The following IQCE variants were observed in gnomAD, a reference collection of about 807,000 sequenced individuals.
IQCE encodes the protein IQ domain-containing protein E.
In IQCE, 115 loss-of-function variants were observed where a neutral mutation model predicts 96.0. The observed-to-expected ratio is 1.20, with a 90% CI of 1.03 to 1.40. The LOEUF is 1.40. Among genes scored for constraint, IQCE ranks in the 40% most tolerant of loss-of-function variants. IQCE has a pLI of 0.00. For missense variants in IQCE, 1,041 were observed against 909.1 expected, an observed-to-expected ratio of 1.15 and a Z score of -1.87; for synonymous variants, 412 against 371.2, an observed-to-expected ratio of 1.11 and a Z score of -1.26.
chr7:2,582,424 G>T (rs979826625), intron 8 of IQCE, among the ~76,000 whole-genome samples, 156 bp from the exon 9 acceptor site: 1 of 152,152 alleles, frequency 6.6e-6, no homozygotes, highest in Non-Finnish European at 1.5e-5. Flanking sequence ...GCACAGTGGG[G>T]CCCTCCCTCT....
rs372851659 is a variant in IQCE at position 2,601,425 on chromosome 7, C to G, written c.1609-16C>G. On this transcript the variant is annotated splice_polypyrimidine_tract_variant and intron_variant, in intron 17 of 21. Coordinates refer to ENST00000402050, the MANE Select transcript of IQCE (RefSeq NM_152558.5). Reference sequence around the variant, plus strand: ...GTGTTAATTCATGTATTTTTTCTTTCTTTTTTTTTTTCCAGAAAAAAAAGG... The same window carrying G: ...GTGTTAATTCATGTATTTTTTCTTTGTTTTTTTTTTTCCAGAAAAAAAAGG... 4.1e-6 allele frequency: 5 copies of G among 1,229,580 alleles called. No individual in the cohort carries two copies. In the Admixed American group the frequency reaches 9.0e-5, roughly 22 times the overall value. 76.2% of individuals were successfully genotyped at this position (1,229,580 alleles called of 1,614,324 possible).
At chr7:2,565,507 G>C (rs1279250740) in intron 1 of IQCE, among the ~76,000 whole-genome samples, 1 of 152,138 alleles carries the variant, frequency 6.6e-6, no homozygotes, top group Non-Finnish European at 1.5e-5. Flanking sequence ...AAGTCTTCAA[G>C]ATTTTATTCA....
At chr7:2,603,811 G>A (rs114337493) in intron 18 of IQCE, among the ~76,000 whole-genome samples, 2,419 of 151,986 alleles carry the variant, frequency 0.016, 58 homozygotes, top group African/African-American at 0.056. Context: ...TTCCAACAGC[G>A]GCAAGCCTGC....
At chr7:2,577,207 G>A (rs563565234) in intron 6 of IQCE, among the ~76,000 whole-genome samples, 124 of 152,358 alleles carry the variant, frequency 8.1e-4, no homozygotes, top group African/African-American at 2.2e-3. Flanking sequence ...GGTGTGGTGT[G>A]CGTGGCTGTG....
At chr7:2,603,524 C>T (rs1435088578) in intron 18 of IQCE, among the ~76,000 whole-genome samples, 1 of 152,200 alleles carries the variant, frequency 6.6e-6, no homozygotes, top group Non-Finnish European at 1.5e-5. Flanking sequence ...TAAGTAAAGA[C>T]AGCAGTGAGG....
At chr7:2,568,731 T>C (rs779748226) in intron 2 of IQCE, among the ~76,000 whole-genome samples, 2 of 152,184 alleles carry the variant, frequency 1.3e-5, no homozygotes, top group Admixed American at 6.5e-5. Flanking sequence ...TAATTGGAAC[T>C]TGTGCTCTGA....
chr7:2,574,043 C>T (rs2128439926), intron 6 of IQCE, among the ~76,000 whole-genome samples: 1 of 152,344 alleles, frequency 6.6e-6, no homozygotes, highest in South Asian at 2.1e-4. Context: ...AGACTCTGTA[C>T]TTCCCCATGG....
chr7:2,578,192 G>A (rs752250170), intron 6 of IQCE, 50 bp from the exon 7 acceptor site: 20 of 1,399,380 alleles, frequency 1.4e-5, no homozygotes, highest in Admixed American at 5.0e-5. Context: ...TGTGTGCGGC[G>A]TGTGCGCAGC....
chr7:2,585,362 G>C (rs1397089698), intron 11 of IQCE, among the ~76,000 whole-genome samples: 1 of 152,218 alleles, frequency 6.6e-6, no homozygotes, highest in Non-Finnish European at 1.5e-5. Context: ...TCATCAGCTA[G>C]TCAATGTATA....
intron 3 of IQCE, 63 bp from the exon 4 acceptor site, chr7:2,571,463 T>G (rs181866081): frequency 1.9e-6 from 3 of 1,590,646 alleles, no homozygotes; most frequent in Non-Finnish European, 2.6e-6. Flanking sequence ...CTTTCTGAAG[T>G]TCATGTGTTG....
rs1430592765 is a variant in IQCE at position 2,611,165 on chromosome 7, G to A, written c.*1003G>A. ...GGGCCGGGCGTGCGGAGCCTGTGGA[G>A]CCAGCAGCTGCAGAGGCCTAGGAGG... On this transcript the variant is annotated 3_prime_UTR_variant, in exon 22 of 22. Transcript: ENST00000402050. The A allele has an allele frequency of 6.6e-6, 1 of 151,426 alleles. No homozygotes were observed. Among genetic ancestry groups the A allele is most frequent in the Non-Finnish European group, 1.5e-5 (1 of 68,608 alleles). 9.4% of individuals were successfully genotyped at this position (151,426 alleles called of 1,614,324 possible). A position where few individuals can be genotyped will look rare whatever the true frequency, so the allele number is the denominator to read the frequency against.
At chr7:2,567,318 A>G (rs1251750138) in intron 2 of IQCE, among the ~76,000 whole-genome samples, 155 bp downstream of exon 2, 4 of 152,242 alleles carry the variant, frequency 2.6e-5, no homozygotes, top group African/African-American at 9.6e-5. Flanking sequence ...AAAAGTTTCC[A>G]GCCCTTAGGT....
At chr7:2,559,273 C>T (rs1562609555) in intron 1 of IQCE, 56 bp downstream of exon 1, 15 of 1,116,138 alleles carry the variant, frequency 1.3e-5, no homozygotes, top group Middle Eastern at 3.5e-4. Context: ...CTCGGCTCGT[C>T]TCCGTCGCCC....
intron 17 of IQCE, among the ~76,000 whole-genome samples, chr7:2,600,509 G>T (rs542120630): frequency 6.6e-6 from 1 of 152,180 alleles, no homozygotes; most frequent in Admixed American, 6.5e-5. Context: ...AGCTGTCTCC[G>T]TCTGAAAAGC....
chr7:2,600,961 G>T (rs1107690), intron 17 of IQCE, among the ~76,000 whole-genome samples: 18,499 of 152,164 alleles, frequency 0.12, 1,200 homozygotes, highest in Admixed American at 0.16. Flanking sequence ...ACCAGTCAGG[G>T]TGGGGCCAGT....
chr7:2,560,724 G>T (rs1179037880), intron 1 of IQCE, among the ~76,000 whole-genome samples: 1 of 152,042 alleles, frequency 6.6e-6, no homozygotes, highest in Non-Finnish European at 1.5e-5. Flanking sequence ...TTGGGAGGCT[G>T]AGGTGGGCAG....
intron 15 of IQCE, among the ~76,000 whole-genome samples, chr7:2,593,863 A>G (rs1391296918): frequency 2.0e-5 from 3 of 152,248 alleles, no homozygotes; most frequent in Non-Finnish European, 4.4e-5. Flanking sequence ...AGTGAATTCT[A>G]TGTGATGAGT....
At chr7:2,579,951 C>A (rs188650530) in intron 8 of IQCE, among the ~76,000 whole-genome samples, 1 of 151,928 alleles carries the variant, frequency 6.6e-6, no homozygotes, top group Non-Finnish European at 1.5e-5. Context: ...TGGGGTCTTG[C>A]GAAGTTTCCC....
intron 11 of IQCE, among the ~76,000 whole-genome samples, chr7:2,585,318 A>G (rs1425111889): frequency 1.3e-5 from 2 of 152,232 alleles, no homozygotes; most frequent in Non-Finnish European, 2.9e-5. Context: ...GATTACAGGC[A>G]TGAGCCACCA....
Sources: gnomAD v4.1 joint callset for allele counts (sites outside exome capture counted in the v4.1 genomes callset) on GRCh38, gnomAD v4.1.1 for gene constraint, MANE v1.5 for transcripts, NCBI Gene and HGNC (gene_info 2026-07-23, HGNC 2026-07-21) for gene names.